The following MICAL2 variants were observed in gnomAD, a reference collection of about 807,000 sequenced individuals.
MICAL2 encodes the protein [F-actin]-monooxygenase MICAL2.
Under a neutral mutation model 127.3 loss-of-function variants are expected in MICAL2, and 77 were observed. That is an observed-to-expected ratio of 0.60 (90% CI 0.50 to 0.73). MICAL2 has a LOEUF of 0.73. MICAL2 is among the 30% of genes least tolerant of loss of function. MICAL2 has a pLI of 0.00. For synonymous variants in MICAL2, 570 were observed against 551.1 expected (o/e 1.03, Z -0.48); for missense variants, 1,351 against 1,434.4 (o/e 0.94, Z 0.94).
intron 16 of MICAL2, among the ~76,000 whole-genome samples, chr11:12,237,850 G>T (rs1199883781): frequency 6.6e-6 from 1 of 152,190 alleles, no homozygotes; most frequent in Non-Finnish European, 1.5e-5. Context: ...TGATTTCCTG[G>T]TGATTCGTGG....
At chr11:12,351,370 T>C (rs1056723499) in intron 33 of MICAL2, among the ~76,000 whole-genome samples, 3 of 152,176 alleles carry the variant, frequency 2.0e-5, no homozygotes, top group Admixed American at 1.3e-4. Context: ...TCTGAAGACA[T>C]TTTTGTTGTC....
At chr11:12,113,431 T>C (rs1229507355) in intron 1 of MICAL2, among the ~76,000 whole-genome samples, 3 of 152,198 alleles carry the variant, frequency 2.0e-5, no homozygotes, top group Non-Finnish European at 4.4e-5. Context: ...TCACACAGCA[T>C]GTATGAGTGC....
Position 12,223,448 on chromosome 11 carries a change from A to G in MICAL2, c.1487A>G (p.Tyr496Cys). Residue 496 changes from tyrosine to cysteine, a missense_variant, in exon 12 of 28, where the codon TAC (tyrosine) becomes TGC (cysteine). Coordinates refer to ENST00000683283, the MANE Select transcript of MICAL2 (RefSeq NM_001282663.2). ...HLYITKELEHYPLERLGSVRR... is the reference protein window; with the variant it reads ...HLYITKELEHCPLERLGSVRR... Reference sequence around the variant, plus strand: ...TATATCACTAAGGAGCTGGAGCACTACCCTCTCGAGAGACTGGGCTCGGTG... The same window carrying G: ...TATATCACTAAGGAGCTGGAGCACTGCCCTCTCGAGAGACTGGGCTCGGTG... 3 of 1,613,848 alleles carry G rather than the reference A, an allele frequency of 1.9e-6. No homozygotes were observed. The highest frequency in any genetic ancestry group is 8.5e-7 in the Non-Finnish European group (1 of 1,179,942).
chr11:12,111,496 C>T (rs1306451173), intron 1 of MICAL2, among the ~76,000 whole-genome samples: 2 of 152,226 alleles, frequency 1.3e-5, no homozygotes, highest in Non-Finnish European at 2.9e-5. Flanking sequence ...TTGTATTCAC[C>T]GCCAGCCTCA....
downstream of MICAL2, chr11:12,293,798 G>A: frequency 6.2e-7 from 1 of 1,606,728 alleles, no homozygotes; most frequent in Non-Finnish European, 8.5e-7. Flanking sequence ...CCCTCTTGGG[G>A]ACATCGGAAG....
At chr11:12,260,076 C>T (rs1358102760) in intron 26 of MICAL2, 179 bp downstream of exon 26, 5 of 1,537,416 alleles carry the variant, frequency 3.3e-6, no homozygotes, top group South Asian at 2.4e-5. Context: ...TCTGGGCGTT[C>T]TCTGAGGTCC....
At chr11:12,318,125 A>T (rs1485376588) in intron 29 of MICAL2, among the ~76,000 whole-genome samples, 1 of 152,194 alleles carries the variant, frequency 6.6e-6, no homozygotes, top group East Asian at 1.9e-4. Context: ...ACATTTACTC[A>T]GGCACCGCTA....
At chr11:12,347,703 A>G (rs118055390) in intron 32 of MICAL2, among the ~76,000 whole-genome samples, 3 of 152,222 alleles carry the variant, frequency 2.0e-5, no homozygotes, top group Admixed American at 6.5e-5. Context: ...TTTATATCAT[A>G]TTCAGTATTA....
intron 32 of MICAL2, among the ~76,000 whole-genome samples, chr11:12,328,142 A>AG (rs2134854571): frequency 6.6e-6 from 1 of 152,336 alleles, no homozygotes; most frequent in South Asian, 2.1e-4. Context: ...TCTTGGATTC[A>AG]AACAGAACTC....
At chr11:12,262,344 A>C (rs1463203128) in intron 26 of MICAL2, 136 bp from the exon 27 acceptor site, 582 of 1,487,880 alleles carry the variant, frequency 3.9e-4, no homozygotes, top group East Asian at 1.1e-3. Flanking sequence ...TTTCAGAGGA[A>C]GTTTCCCTCT....
chr11:12,271,155 A>C (rs1458295887), upstream of MICAL2, among the ~76,000 whole-genome samples: 1 of 152,142 alleles, frequency 6.6e-6, no homozygotes, highest in Non-Finnish European at 1.5e-5. Flanking sequence ...AGCTGAGATG[A>C]GGCTGAGGTG....
downstream of MICAL2, among the ~76,000 whole-genome samples, chr11:12,287,992 T>C (rs1468992791): frequency 6.6e-6 from 1 of 152,068 alleles, no homozygotes; most frequent in Non-Finnish European, 1.5e-5. Context: ...AGAAACGTTG[T>C]TGCAGTTGGA....
At chr11:12,325,000 C>T (rs781348110) in intron 31 of MICAL2, among the ~76,000 whole-genome samples, 19 of 152,052 alleles carry the variant, frequency 1.2e-4, no homozygotes, top group Non-Finnish European at 2.2e-4. Context: ...ATTTTCATCC[C>T]AGATGGTTGT....
chr11:12,213,535 A>C, intron 7 of MICAL2, 125 bp downstream of exon 7: 1 of 913,324 alleles, frequency 1.1e-6, no homozygotes, highest in Non-Finnish European at 1.6e-6. Context: ...ATAGAGTGGA[A>C]GCAATGATTT....
chr11:12,136,729 G>C (rs1030044819), intron 1 of MICAL2, among the ~76,000 whole-genome samples: 2 of 152,150 alleles, frequency 1.3e-5, no homozygotes. Context: ...CAAAGGGTAC[G>C]AGTTGGTCCT....
chr11:12,209,396 C>A (rs1031380639), intron 5 of MICAL2, 101 bp from the exon 6 acceptor site: 52 of 919,076 alleles, frequency 5.7e-5, no homozygotes, highest in Non-Finnish European at 4.5e-5. Context: ...GATACACAGA[C>A]CTGGCTGCAC....
chr11:12,122,552 G>T (rs1219113157), intron 1 of MICAL2, among the ~76,000 whole-genome samples: 2 of 152,130 alleles, frequency 1.3e-5, no homozygotes, highest in East Asian at 3.9e-4. Flanking sequence ...GGGATTACAG[G>T]CATGTGTCAC....
chr11:12,257,141 G>A (rs1235229871), intron 24 of MICAL2, 170 bp downstream of exon 24: 3 of 708,756 alleles, frequency 4.2e-6, no homozygotes, highest in Non-Finnish European at 6.7e-6. Flanking sequence ...GCTAGAAGGG[G>A]AGGCTGCCTG....
At chr11:12,237,841 G>A (rs1859298329) in intron 16 of MICAL2, among the ~76,000 whole-genome samples, 1 of 152,238 alleles carries the variant, frequency 6.6e-6, no homozygotes, top group African/African-American at 2.4e-5. Flanking sequence ...TTTGAGGATT[G>A]ATTTCCTGGT....
Sources: gnomAD v4.1 joint callset for allele counts (sites outside exome capture counted in the v4.1 genomes callset) on GRCh38, gnomAD v4.1.1 for gene constraint, MANE v1.5 for transcripts, NCBI Gene and HGNC (gene_info 2026-07-23, HGNC 2026-07-21) for gene names.